Variants in GPR137C observed in about 807,000 individuals in gnomAD.
The protein encoded by GPR137C is G protein-coupled receptor 137C.
In GPR137C, 27 loss-of-function variants were observed where a neutral mutation model predicts 43.4. The ratio of observed to expected loss-of-function variants is 0.62; its 90% CI spans 0.46 to 0.86. The LOEUF is 0.86. Among genes scored for constraint, GPR137C ranks in the 40% least tolerant of loss-of-function variants. GPR137C has a pLI of 0.00. For missense variants in GPR137C, 522 were observed against 534.6 expected, an observed-to-expected ratio of 0.98 and a Z score of 0.23; for synonymous variants, 285 against 226.9, an observed-to-expected ratio of 1.26 and a Z score of -2.30.
chr14:52,621,962 T>A (rs570523009), intron 3 of GPR137C, among the ~76,000 whole-genome samples: 45 of 151,930 alleles, frequency 3.0e-4, no homozygotes, highest in East Asian at 7.7e-4. Context: ...TATAAAAAAA[T>A]TTTTATAAAA....
At chr14:52,622,174 T>C (rs1044468718) in intron 3 of GPR137C, among the ~76,000 whole-genome samples, 1 of 152,008 alleles carries the variant, frequency 6.6e-6, no homozygotes, top group Admixed American at 6.6e-5. Context: ...AATAGACTTT[T>C]CAGATAATTG....
At chr14:52,564,332 T>C (rs2038334244) in intron 1 of GPR137C, among the ~76,000 whole-genome samples, 1 of 150,880 alleles carries the variant, frequency 6.6e-6, no homozygotes, top group Non-Finnish European at 1.5e-5. Context: ...TAGTTACTCA[T>C]TAGAATAGAG....
At chr14:52,626,873 CA>C (rs1046059956) in intron 3 of GPR137C, among the ~76,000 whole-genome samples, 4 of 150,976 alleles carry the variant, frequency 2.6e-5, no homozygotes, top group East Asian at 1.9e-4. Context: ...AATAGTAGCT[CA>C]AAAAAAAGAT....
In GPR137C at chr14:52,577,485, T is replaced by G. The variant is rs924622875; in HGVS notation, c.445-20787T>G. On this transcript the variant is annotated intron_variant, in intron 1 of 6. Coordinates refer to ENST00000321662, the MANE Select transcript of GPR137C (RefSeq NM_001099652.2). ...AAAAGAGATCAGAACTGAATGAAAT[T>G]GAGACCAAACATGCACGCGTGCGCG... Among the ~76,000 whole-genome samples the G allele has an allele frequency of 3.4e-5, 5 of 146,422 alleles. No homozygotes were observed. In the East Asian group the frequency reaches 1.0e-3, roughly 30 times the overall value.
chr14:52,598,996 C>T (rs17725312), intron 2 of GPR137C, among the ~76,000 whole-genome samples: 33,650 of 152,118 alleles, frequency 0.22, 3,785 homozygotes, highest in Non-Finnish European at 0.25. Context: ...CAATTTACCT[C>T]GTTTAAACCA....
intron 1 of GPR137C, among the ~76,000 whole-genome samples, chr14:52,565,236 G>A (rs575810133): frequency 6.6e-6 from 1 of 152,260 alleles, no homozygotes; most frequent in East Asian, 1.9e-4. Context: ...AATAAGCTAA[G>A]CAAAACTTTT....
chr14:52,576,247 T>G (rs2038550076), intron 1 of GPR137C, among the ~76,000 whole-genome samples: 1 of 152,226 alleles, frequency 6.6e-6, no homozygotes, highest in Admixed American at 6.5e-5. Flanking sequence ...TCTGAGTTAT[T>G]TTACTTAGGA....
At chr14:52,570,115 A>G (rs1333562614) in intron 1 of GPR137C, among the ~76,000 whole-genome samples, 1 of 152,234 alleles carries the variant, frequency 6.6e-6, no homozygotes, top group Non-Finnish European at 1.5e-5. Context: ...GTTACCCACA[A>G]AGGGAAGCCC....
intron 1 of GPR137C, among the ~76,000 whole-genome samples, chr14:52,560,895 T>C (rs1333976526): frequency 1.3e-5 from 2 of 152,200 alleles, no homozygotes; most frequent in Non-Finnish European, 2.9e-5. Flanking sequence ...TTAAAACTTT[T>C]GTTTTTTGCA....
chr14:52,571,301 A>C (rs1176705793), intron 1 of GPR137C, among the ~76,000 whole-genome samples: 2 of 152,324 alleles, frequency 1.3e-5, no homozygotes, highest in East Asian at 3.9e-4. Context: ...GAATAAACAC[A>C]CATCATACCA....
At chr14:52,628,024 C>T (rs1472406924) in intron 3 of GPR137C, among the ~76,000 whole-genome samples, 2 of 152,244 alleles carry the variant, frequency 1.3e-5, no homozygotes, top group East Asian at 3.9e-4. Flanking sequence ...AATGTAAATA[C>T]TCTCATGTGG....
rs144430995 is a variant in GPR137C at position 52,563,132 on chromosome 14, C to T, written c.444+9541C>T. Among the ~76,000 whole-genome samples the T allele has an allele frequency of 3.0e-3, 462 of 152,208 alleles. 4 individuals are homozygous for T. Among genetic ancestry groups the T allele is most frequent in the African/African-American group, 0.011 (451 of 41,540 alleles). On this transcript the variant is annotated intron_variant, in intron 1 of 6. Transcript: ENST00000321662. ...TTAACTTCTCAGCAGCAATTGACCCCCCATATCTTTCCCCTTATCACTGGC... is the reference window on the plus strand; with the variant it reads ...TTAACTTCTCAGCAGCAATTGACCCTCCATATCTTTCCCCTTATCACTGGC...
intron 3 of GPR137C, among the ~76,000 whole-genome samples, chr14:52,622,166 T>C (rs1453988719): frequency 6.6e-6 from 1 of 151,992 alleles, no homozygotes; most frequent in Non-Finnish European, 1.5e-5. Flanking sequence ...AGAATTTTAA[T>C]AGACTTTTCA....
intron 4 of GPR137C, 41 bp downstream of exon 4, chr14:52,632,350 A>G: frequency 1.4e-6 from 2 of 1,447,230 alleles, no homozygotes; most frequent in East Asian, 2.3e-5. Context: ...CAATGTGATA[A>G]TTAACTTACC....
chr14:52,559,814 T>C (rs34354458), intron 1 of GPR137C, among the ~76,000 whole-genome samples: 2,390 of 152,302 alleles, frequency 0.016, 32 homozygotes, highest in Non-Finnish European at 0.023. Context: ...TTTAAGCTTA[T>C]AGGATATAAC....
chr14:52,614,742 C>G (rs1343891491), intron 3 of GPR137C, among the ~76,000 whole-genome samples: 2 of 152,162 alleles, frequency 1.3e-5, no homozygotes, highest in Admixed American at 1.3e-4. Flanking sequence ...CTGACTCAAC[C>G]TCCCAAAGCA....
intron 1 of GPR137C, among the ~76,000 whole-genome samples, chr14:52,564,953 T>TA (rs2038344094): frequency 6.6e-6 from 1 of 150,652 alleles, no homozygotes; most frequent in African/African-American, 2.4e-5. Flanking sequence ...ATGCTTGCTT[T>TA]AAAACAAAAG....
intron 3 of GPR137C, among the ~76,000 whole-genome samples, chr14:52,627,659 C>T (rs1041528812): frequency 1.1e-4 from 17 of 151,998 alleles, no homozygotes; most frequent in African/African-American, 3.9e-4. Flanking sequence ...TCCTGGCCAA[C>T]GTGGTGAAAC....
At chr14:52,557,042 G>C (rs570187966) in intron 1 of GPR137C, among the ~76,000 whole-genome samples, 1 of 152,046 alleles carries the variant, frequency 6.6e-6, no homozygotes, top group African/African-American at 2.4e-5. Context: ...TCTTATATTG[G>C]TAATACTTCA....
Sources: allele counts gnomAD v4.1 joint callset (sites outside exome capture counted in the v4.1 genomes callset), GRCh38; gene constraint gnomAD v4.1.1; transcripts MANE v1.5; gene names NCBI Gene and HGNC (gene_info 2026-07-23, HGNC 2026-07-21).